Variants in NAAA observed in about 807,000 individuals in gnomAD.
NAAA encodes N-acylethanolamine-hydrolyzing acid amidase.
A neutral mutation model predicts 44.8 loss-of-function variants in NAAA; 39 were observed. That is an observed-to-expected ratio of 0.87 (90% CI 0.67 to 1.14). NAAA has a LOEUF of 1.14. Ranked by LOEUF, NAAA falls within the 50% of genes most tolerant of loss-of-function variation. The pLI, the probability that NAAA is intolerant of heterozygous loss-of-function variation, is 0.00. For synonymous variants in NAAA, 178 were observed against 191.3 expected (o/e 0.93, Z 0.58); for missense variants, 460 against 467.8 (o/e 0.98, Z 0.15).
chr4:75,930,402 A>T, intron 4 of NAAA: 1 of 498,744 alleles, frequency 2.0e-6, no homozygotes, highest in Non-Finnish European at 4.0e-6. Context: ...CTGTCATTTC[A>T]TCTCACAGCC....
At chr4:75,931,972 G>C (rs1430835072) in intron 3 of NAAA, among the ~76,000 whole-genome samples, 2 of 152,248 alleles carry the variant, frequency 1.3e-5, no homozygotes, top group Non-Finnish European at 2.9e-5. Context: ...GCTCACGCCT[G>C]TAATCCTAGC....
At chr4:75,911,390 T>C (rs1176615076), downstream of NAAA, 4 of 480,672 alleles carry the variant, frequency 8.3e-6, no homozygotes, top group African/African-American at 2.0e-5. Flanking sequence ...GATCATACTA[T>C]TGCAGTAGAG....
At chr4:75,935,878 T>C (rs1727660724) in intron 3 of NAAA, 1 of 589,346 alleles carries the variant, frequency 1.7e-6, no homozygotes, top group Non-Finnish European at 2.9e-6. Flanking sequence ...GATTTCCCTA[T>C]GGAAAACTGG....
chr4:75,930,989 T>C (rs1364710433), intron 4 of NAAA, among the ~76,000 whole-genome samples: 3 of 152,118 alleles, frequency 2.0e-5, no homozygotes, highest in Non-Finnish European at 4.4e-5. Flanking sequence ...CCCCACCTCC[T>C]CCTTCACTCT....
rs1578028411 is a variant in NAAA at position 75,914,183 on chromosome 4, T to G, written c.*192A>C. The G allele has an allele frequency of 5.1e-6, 5 of 985,814 alleles. No homozygotes were observed. The highest frequency in any genetic ancestry group is 2.3e-4 in the East Asian group (2 of 8,812). 61.1% of individuals were successfully genotyped at this position (985,814 alleles called of 1,614,324 possible). A position where few individuals can be genotyped will look rare whatever the true frequency, so the allele number is the denominator to read the frequency against. The stretch of plus-strand genomic sequence containing the variant: ...ATGCAGGACAATGCCCATTACTGGC[T>G]TTACCACAAACTCCAAATCTCCTGG... On this transcript the variant is annotated 3_prime_UTR_variant, in exon 11 of 11. Coordinates refer to ENST00000286733, the MANE Select transcript of NAAA (RefSeq NM_014435.4).
chr4:75,918,778 C>G lies in NAAA; in HGVS notation c.981G>C (p.Val327=). 1 of 1,613,014 alleles carries G rather than the reference C, an allele frequency of 6.2e-7. No individual in the cohort carries two copies. The highest frequency in any genetic ancestry group is 8.5e-7 in the Non-Finnish European group (1 of 1,179,206). The change falls in exon 9 of 11, where the codon GTG becomes GTC. Residue 327 remains valine, a synonymous_variant. Coordinates refer to ENST00000286733, the MANE Select transcript of NAAA (RefSeq NM_014435.4). The part of the protein sequence containing the change: ...SLEALFQILS[V]VPVYNNFTIY... ...CCACTTACTTGTTATAAACTGGAAC[C>G]ACCGACAAAATCTGCATAGGAAAAA...
intron 3 of NAAA, chr4:75,935,266 A>G (rs760425388): frequency 6.6e-6 from 1 of 152,224 alleles, no homozygotes; most frequent in Non-Finnish European, 1.5e-5. Context: ...AGTTTTTAGT[A>G]TTTGTGAATC....
At chr4:75,935,914 T>C (rs1727663145) in intron 3 of NAAA, 195 bp downstream of exon 3, 1 of 648,440 alleles carries the variant, frequency 1.5e-6, no homozygotes, top group East Asian at 2.8e-5. Context: ...AGACACTGAA[T>C]AATAAATAAT....
intron 4 of NAAA, 60 bp from the exon 5 acceptor site, chr4:75,925,871 GAT>G (rs1407717595): frequency 6.7e-7 from 1 of 1,483,946 alleles, no homozygotes. Context: ...ACATGAAACA[GAT>G]ATGTTATTTT....
At chr4:75,920,609 C>A in intron 7 of NAAA, 129 bp downstream of exon 7, 1 of 1,133,420 alleles carries the variant, frequency 8.8e-7, no homozygotes, top group Non-Finnish European at 1.3e-6. Context: ...AAGGCACTGG[C>A]GAAGGGGCTC....
chr4:75,930,274 T>G (rs1727111540), intron 4 of NAAA, among the ~76,000 whole-genome samples: 1 of 152,114 alleles, frequency 6.6e-6, no homozygotes, highest in African/African-American at 2.4e-5. Context: ...TCCCACATAC[T>G]GTGGAACTAA....
At chr4:75,931,781 T>C (rs1727251383) in intron 3 of NAAA, among the ~76,000 whole-genome samples, 1 of 152,222 alleles carries the variant, frequency 6.6e-6, no homozygotes, top group Admixed American at 6.5e-5. Flanking sequence ...TAAGAAAAAG[T>C]ATAACATTGA....
At chr4:75,929,116 A>T (rs1481368708) in intron 4 of NAAA, among the ~76,000 whole-genome samples, 6 of 152,056 alleles carry the variant, frequency 3.9e-5, no homozygotes, top group Admixed American at 3.9e-4. Flanking sequence ...AGATGAGGAA[A>T]CTGAAGCACC....
At chr4:75,940,214 C>T in intron 1 of NAAA, 49 bp from the exon 2 acceptor site, 1 of 1,576,466 alleles carries the variant, frequency 6.3e-7, no homozygotes, top group Non-Finnish European at 8.7e-7. Flanking sequence ...AGGTCGGCGG[C>T]GTGCGACTGC....
chr4:75,921,640 G>T (rs1726174762), intron 5 of NAAA, among the ~76,000 whole-genome samples: 1 of 152,154 alleles, frequency 6.6e-6, no homozygotes. Context: ...GTCACAGTAG[G>T]GGTCCCATCC....
Position 75,913,958 on chromosome 4 carries a change from TTTCAGAAGCAC to T in NAAA, c.*406_*416del, listed in dbSNP as rs1345187118. 1 of 985,336 alleles carries T rather than the reference TTTCAGAAGCAC, an allele frequency of 1.0e-6. No homozygotes were observed. Among genetic ancestry groups the T allele is most frequent in the Non-Finnish European group, 1.2e-6 (1 of 829,956 alleles). The allele number at this position is 985,336 out of a possible 1,614,324, so 61.0% of individuals were successfully genotyped here. On this transcript the variant is annotated 3_prime_UTR_variant, in exon 11 of 11. Transcript: ENST00000286733. ...CAGATGAGCCTTTTTTCTTAGGCTC[TTTCAGAAGCAC>T]TTCACAATGAACAGAGGTCTTGCCA...
intron 4 of NAAA, among the ~76,000 whole-genome samples, chr4:75,931,003 T>C (rs930654512): frequency 3.3e-5 from 5 of 152,184 alleles, no homozygotes; most frequent in Admixed American, 1.3e-4. Context: ...TCACTCTCTA[T>C]CACAGCTTCC....
chr4:75,932,524 C>T (rs937009619), intron 3 of NAAA, among the ~76,000 whole-genome samples: 4 of 152,004 alleles, frequency 2.6e-5, no homozygotes, highest in Non-Finnish European at 4.4e-5. Flanking sequence ...TGTATGTCAC[C>T]GAGGCTGGAG....
intron 2 of NAAA, among the ~76,000 whole-genome samples, chr4:75,938,478 A>G (rs1273102915): frequency 1.3e-5 from 2 of 152,198 alleles, no homozygotes; most frequent in African/African-American, 4.8e-5. Flanking sequence ...ACTTAGTTCA[A>G]CTGAAAAGCA....
Sources: allele counts gnomAD v4.1 joint callset (sites outside exome capture counted in the v4.1 genomes callset), GRCh38; gene constraint gnomAD v4.1.1; transcripts MANE v1.5; gene names NCBI Gene and HGNC (gene_info 2026-07-23, HGNC 2026-07-21).